The following DTHD1 variants were observed in gnomAD, a reference collection of about 807,000 sequenced individuals.
DTHD1 encodes death domain-containing protein 1.
In DTHD1, 59 loss-of-function variants were observed where a neutral mutation model predicts 74.8. The ratio of observed to expected loss-of-function variants is 0.79; its 90% CI spans 0.64 to 0.98. DTHD1 has a LOEUF of 0.98. Among genes scored for constraint, DTHD1 ranks in the 50% least tolerant of loss-of-function variants. The probability of loss-of-function intolerance (pLI) is 0.00; values close to 1 mark genes in which losing one functional copy is unlikely to be tolerated. For missense variants in DTHD1, 1,051 were observed against 1,065.4 expected, an observed-to-expected ratio of 0.99 and a Z score of 0.19; for synonymous variants, 365 against 371.1, an observed-to-expected ratio of 0.98 and a Z score of 0.19.
At chr4:36,310,536 G>A (rs1757334196) in intron 7 of DTHD1, among the ~76,000 whole-genome samples, 1 of 152,180 alleles carries the variant, frequency 6.6e-6, no homozygotes, top group Admixed American at 6.5e-5. Flanking sequence ...TTCTGTTCCA[G>A]GAGGCTTTCT....
At chr4:36,328,572 G>A (rs941433878) in intron 8 of DTHD1, among the ~76,000 whole-genome samples, 4 of 152,080 alleles carry the variant, frequency 2.6e-5, no homozygotes, top group African/African-American at 9.7e-5. Context: ...GAACCTACAT[G>A]GACACACCTC....
intron 7 of DTHD1, among the ~76,000 whole-genome samples, chr4:36,312,834 G>T (rs756335197): frequency 2.0e-5 from 3 of 152,144 alleles, no homozygotes; most frequent in Admixed American, 6.5e-5. Context: ...GAGTGATTTG[G>T]GGAAACATGA....
intron 5 of DTHD1, among the ~76,000 whole-genome samples, chr4:36,303,215 T>C (rs2109486110): frequency 6.6e-6 from 1 of 152,348 alleles, no homozygotes; most frequent in Non-Finnish European, 1.5e-5. Flanking sequence ...ACAATACTAG[T>C]TGTCAAACTT....
At chr4:36,338,910 G>T (rs1759159262) in intron 8 of DTHD1, among the ~76,000 whole-genome samples, 1 of 152,166 alleles carries the variant, frequency 6.6e-6, no homozygotes, top group Non-Finnish European at 1.5e-5. Context: ...TAAATGTGCT[G>T]AAATATTTGG....
At chr4:36,327,686 G>C (rs1758431986) in intron 8 of DTHD1, among the ~76,000 whole-genome samples, 1 of 152,066 alleles carries the variant, frequency 6.6e-6, no homozygotes, top group African/African-American at 2.4e-5. Flanking sequence ...CCATTTAGTA[G>C]GTAAAAAATG....
chr4:36,330,194 G>A (rs868577185), intron 8 of DTHD1, among the ~76,000 whole-genome samples: 1 of 152,154 alleles, frequency 6.6e-6, no homozygotes, highest in South Asian at 2.1e-4. Context: ...AATATGTTAG[G>A]AGTTGAGCTC....
chr4:36,283,900 A>C, intron 1 of DTHD1, 76 bp from the exon 2 acceptor site: 1 of 1,035,952 alleles, frequency 9.7e-7, no homozygotes, highest in Non-Finnish European at 1.4e-6. Flanking sequence ...GCCATGTTTC[A>C]TTAGATGTCA....
intron 8 of DTHD1, among the ~76,000 whole-genome samples, chr4:36,324,996 T>G (rs189388114): frequency 3.6e-4 from 55 of 152,216 alleles, no homozygotes; most frequent in African/African-American, 1.3e-3. Flanking sequence ...AGAGATGGCA[T>G]GAGTAGAAAC....
chr4:36,340,423 G>A (rs1759252122), intron 9 of DTHD1, among the ~76,000 whole-genome samples: 1 of 152,146 alleles, frequency 6.6e-6, no homozygotes. Context: ...AGCAAGGCAG[G>A]AAAGTAAAGC....
At chr4:36,314,373 A>G (rs911253183) in intron 7 of DTHD1, among the ~76,000 whole-genome samples, 1 of 152,072 alleles carries the variant, frequency 6.6e-6, no homozygotes, top group Non-Finnish European at 1.5e-5. Context: ...TTCCATGTAG[A>G]CATGAAAGCT....
At chr4:36,288,900 C>T (rs1755886849) in intron 2 of DTHD1, among the ~76,000 whole-genome samples, 2 of 152,160 alleles carry the variant, frequency 1.3e-5, no homozygotes, top group South Asian at 4.1e-4. Flanking sequence ...CTCTATTAAA[C>T]AATGTTTCTC....
At chr4:36,330,693 C>A (rs1758611085) in intron 8 of DTHD1, among the ~76,000 whole-genome samples, 1 of 152,076 alleles carries the variant, frequency 6.6e-6, no homozygotes, top group African/African-American at 2.4e-5. Context: ...GAAGTTATAT[C>A]TGTGAAATGG....
At chr4:36,325,602 G>C (rs541712347) in intron 8 of DTHD1, among the ~76,000 whole-genome samples, 1 of 152,216 alleles carries the variant, frequency 6.6e-6, no homozygotes, top group Non-Finnish European at 1.5e-5. Context: ...GAGTTAGAGA[G>C]AGATTCAGGA....
chr4:36,319,395 G>C (rs1416228056), intron 8 of DTHD1, among the ~76,000 whole-genome samples: 62 of 152,242 alleles, frequency 4.1e-4, no homozygotes, highest in Non-Finnish European at 1.9e-4. Flanking sequence ...TTTAGAGCCT[G>C]ATTCTACAAA....
In DTHD1 at chr4:36,345,111, C is replaced by G. The variant is rs1759523616; in HGVS notation, c.*1287C>G. ...TGAAAGAATTCAAGGCCTATTTCTT[C>G]TACTTAGGAAGAAAACCTGCTTTAA... On this transcript the variant is annotated 3_prime_UTR_variant, in exon 10 of 10. Coordinates refer to ENST00000639862, the MANE Select transcript of DTHD1 (RefSeq NM_001170700.3). 2 of 152,104 alleles carry G rather than the reference C, an allele frequency of 1.3e-5. No homozygotes were observed. Among genetic ancestry groups the G allele is most frequent in the African/African-American group, 4.8e-5 (2 of 41,436 alleles). 9.4% of individuals were successfully genotyped at this position (152,104 alleles called of 1,614,324 possible).
chr4:36,317,131 G>T (rs1431288630), intron 8 of DTHD1, among the ~76,000 whole-genome samples: 1 of 152,138 alleles, frequency 6.6e-6, no homozygotes, highest in Non-Finnish European at 1.5e-5. Context: ...ATTCTTTAAA[G>T]AAAGCTAAAA....
chr4:36,308,379 C>T lies in DTHD1; in HGVS notation c.1981C>T (p.Leu661Phe), dbSNP rs1757182278. ...GCCTTCCAAAGATTTAAGCCAGGTG[C>T]TTAAGGACCTGCACTTGGAAGGGTT... is the stretch of plus-strand genomic sequence containing the variant. ...VVPSKDLSQV[L>F]KDLHLEGFGG... Residue 661 changes from leucine (L) to phenylalanine (F), a missense_variant, in exon 7 of 10, where the codon CTT (leucine) becomes TTT (phenylalanine). By Grantham distance (22) the Leu-to-Phe change is conservative (BLOSUM62 0). Coordinates refer to ENST00000639862, the MANE Select transcript of DTHD1 (RefSeq NM_001170700.3). 2 of 1,551,682 alleles carry T rather than the reference C, an allele frequency of 1.3e-6. No individual in the cohort carries two copies. The highest frequency in any genetic ancestry group is 2.0e-5 in the Admixed American group (1 of 50,986).
chr4:36,321,688 C>A lies in DTHD1; in HGVS notation c.2340+5202C>A, dbSNP rs549898297. On this transcript the variant is annotated intron_variant, in intron 8 of 9. Coordinates refer to ENST00000639862, the MANE Select transcript of DTHD1 (RefSeq NM_001170700.3). ...CATCCCTCCAACATGGAAAAATGGTCTTCTACGAAACTGGTTCCTGGTGGC... is the reference window on the plus strand; with the variant it reads ...CATCCCTCCAACATGGAAAAATGGTATTCTACGAAACTGGTTCCTGGTGGC... Among the ~76,000 whole-genome samples the A allele has an allele frequency of 7.7e-4, 117 of 152,290 alleles. 2 individuals carry two copies. The South Asian group carries it at 8.3e-3, about 11-fold the overall frequency.
At chr4:36,282,359 A>T (rs532624866) in intron 1 of DTHD1, among the ~76,000 whole-genome samples, 16 of 152,348 alleles carry the variant, frequency 1.1e-4, no homozygotes, top group African/African-American at 3.8e-4. Context: ...GCAGCAGGAA[A>T]GAGAGAGTCG....
Sources: allele counts gnomAD v4.1 joint callset (sites outside exome capture counted in the v4.1 genomes callset), GRCh38; gene constraint gnomAD v4.1.1; transcripts MANE v1.5; gene names NCBI Gene and HGNC (gene_info 2026-07-23, HGNC 2026-07-21).